The following STAU2 variants were observed in gnomAD, a reference collection of about 807,000 sequenced individuals.
STAU2 encodes the protein double-stranded RNA-binding protein Staufen homolog 2.
Under a neutral mutation model 65.9 loss-of-function variants are expected in STAU2, and 20 were observed. The ratio of observed to expected loss-of-function variants is 0.30; its 90% CI spans 0.21 to 0.44. The LOEUF (loss-of-function observed/expected upper bound fraction) is 0.44. Among genes scored for constraint, STAU2 ranks in the 20% least tolerant of loss-of-function variants. STAU2 has a pLI of 1.00. For synonymous variants in STAU2, 232 were observed against 233.9 expected, an observed-to-expected ratio of 0.99 and a Z score of 0.07; for missense variants, 558 against 683.9, an observed-to-expected ratio of 0.82 and a Z score of 2.05.
At chr8:73,713,905 C>A (rs115963834) in intron 3 of STAU2, among the ~76,000 whole-genome samples, 1,645 of 151,936 alleles carry the variant, frequency 0.011, 32 homozygotes, top group African/African-American at 0.038. Context: ...AACACGGTTT[C>A]TTTCCTTTTT....
intron 12 of STAU2, among the ~76,000 whole-genome samples, chr8:73,564,459 G>T (rs773202517): frequency 2.0e-4 from 31 of 152,074 alleles, no homozygotes; most frequent in Admixed American, 1.2e-3. Context: ...ACACATAGAG[G>T]GGAATAACAC....
chr8:73,467,455 C>T (rs1477663590), intron 13 of STAU2, among the ~76,000 whole-genome samples: 1 of 152,136 alleles, frequency 6.6e-6, no homozygotes, highest in Non-Finnish European at 1.5e-5. Context: ...TGGCGTGAAC[C>T]CGGGAGGAGG....
intron 4 of STAU2, among the ~76,000 whole-genome samples, chr8:73,704,849 A>C (rs900044821): frequency 2.0e-5 from 3 of 152,100 alleles, no homozygotes; most frequent in Non-Finnish European, 2.9e-5. Context: ...TTGTAGTTTT[A>C]GTAGAGACAG....
chr8:73,618,157 T>C (rs7004663), intron 6 of STAU2, among the ~76,000 whole-genome samples: 3 of 152,028 alleles, frequency 2.0e-5, no homozygotes, highest in Non-Finnish European at 2.9e-5. Context: ...CGTCTTCTAT[T>C]TGACAGGGGA....
chr8:73,746,531 A>C (rs1267978859), intron 1 of STAU2, among the ~76,000 whole-genome samples: 72 of 66,990 alleles, frequency 1.1e-3, no homozygotes, highest in South Asian at 1.8e-3. Context: ...CACCCCCTCC[A>C]CCACACACGC....
intron 13 of STAU2, among the ~76,000 whole-genome samples, chr8:73,446,204 T>C (rs567672685): frequency 9.3e-4 from 142 of 152,368 alleles, no homozygotes; most frequent in Non-Finnish European, 1.5e-3. Flanking sequence ...CATGTTATTA[T>C]GATTCCATTT....
rs183318518 is a variant in STAU2, at chr8:73,708,031, G to C, written c.114+1001C>G. 2.8e-4 allele frequency among the ~76,000 whole-genome samples: 42 copies of C among 152,334 alleles called. 1 individual carries two copies. In the East Asian group the frequency reaches 7.5e-3, roughly 27 times the overall value. ...TTCAACATGATTAAGGGCAGAATGA[G>C]TCAGAAAGAGAGTCAGGACATATAG... is the stretch of plus-strand genomic sequence containing the variant. On this transcript the variant is annotated intron_variant, in intron 4 of 14. Transcript: ENST00000524300.
At chr8:73,669,099 A>T (rs1817465259) in intron 6 of STAU2, 1 of 702,230 alleles carries the variant, frequency 1.4e-6, no homozygotes, top group Non-Finnish European at 2.6e-6. Context: ...TAATCCATTC[A>T]AGTGTTGCCA....
At position 73,746,802 on chromosome 8, in the gene STAU2, T is replaced by C. The variant is rs1807322657; in HGVS notation, c.-216A>G. ...ATTTACCTTCTTGCCGGGGACACTT[T>C]GCAGACGGCTCCAACATTGGCAAAC... is the stretch of plus-strand genomic sequence containing the variant. On this transcript the variant is annotated 5_prime_UTR_variant, in exon 1 of 15. Transcript: ENST00000524300. 4.9e-6 allele frequency: 6 copies of C among 1,230,722 alleles called. No individual in the cohort carries two copies. The highest frequency in any genetic ancestry group is 6.3e-5 in the East Asian group (2 of 31,518). 76.2% of individuals were successfully genotyped at this position (1,230,722 alleles called of 1,614,324 possible).
chr8:73,584,974 C>G (rs1366422457), intron 11 of STAU2, among the ~76,000 whole-genome samples: 1 of 152,068 alleles, frequency 6.6e-6, no homozygotes, highest in African/African-American at 2.4e-5. Flanking sequence ...TTATTCATAC[C>G]TCCAAAACAT....
chr8:73,636,282 T>C (rs1265618546), intron 6 of STAU2, among the ~76,000 whole-genome samples: 1 of 150,756 alleles, frequency 6.6e-6, no homozygotes, highest in Non-Finnish European at 1.5e-5. Flanking sequence ...GAGGCGGAGG[T>C]GGGGGGATCA....
At chr8:73,431,933 T>C (rs1192618550) in intron 13 of STAU2, among the ~76,000 whole-genome samples, 1 of 152,250 alleles carries the variant, frequency 6.6e-6, no homozygotes, top group Non-Finnish European at 1.5e-5. Flanking sequence ...TGAGAGATAA[T>C]GGCAGTCTTC....
At chr8:73,444,449 A>G (rs1818359386) in intron 13 of STAU2, among the ~76,000 whole-genome samples, 1 of 151,676 alleles carries the variant, frequency 6.6e-6, no homozygotes, top group Non-Finnish European at 1.5e-5. Flanking sequence ...AAGCCCTCAT[A>G]TTCCATTGAC....
At chr8:73,597,368 T>C (rs1440030161) in intron 10 of STAU2, among the ~76,000 whole-genome samples, 1 of 151,928 alleles carries the variant, frequency 6.6e-6, no homozygotes, top group East Asian at 1.9e-4. Context: ...TAAGGATTAC[T>C]GAGGCCGGGT....
chr8:73,587,496 A>G (rs2128965635), intron 11 of STAU2, among the ~76,000 whole-genome samples: 1 of 152,294 alleles, frequency 6.6e-6, no homozygotes, highest in South Asian at 2.1e-4. Flanking sequence ...CTGCAATACA[A>G]GAGGAGGATA....
chr8:73,458,883 C>G (rs1170292926), intron 13 of STAU2: 2 of 152,210 alleles, frequency 1.3e-5, no homozygotes, highest in Non-Finnish European at 2.9e-5. Flanking sequence ...CCATCCGATC[C>G]TAGTCAGGGT....
chr8:73,690,328 C>CAAAAAAAAAAAA (rs56744849), intron 4 of STAU2, among the ~76,000 whole-genome samples: 733 of 57,918 alleles, frequency 0.013, 21 homozygotes, highest in African/African-American at 0.029. Context: ...GACTCTGTCT[C>CAAAAAAAAAAAA]AAAAAAAAAA....
intron 6 of STAU2, among the ~76,000 whole-genome samples, chr8:73,658,221 A>G (rs1816532764): frequency 6.6e-6 from 1 of 151,956 alleles, no homozygotes; most frequent in Non-Finnish European, 1.5e-5. Flanking sequence ...TTAAAAAATT[A>G]GCCGGGCGTG....
chr8:73,654,661 A>AAAAAAAAAAAAT, intron 6 of STAU2, among the ~76,000 whole-genome samples: 1 of 137,258 alleles, frequency 7.3e-6, no homozygotes, highest in Non-Finnish European at 1.6e-5. Flanking sequence ...AAAAAAAAAA[A>AAAAAAAAAAAAT]GAACTCTTTT....
Sources: allele counts gnomAD v4.1 joint callset (sites outside exome capture counted in the v4.1 genomes callset), GRCh38; gene constraint gnomAD v4.1.1; transcripts MANE v1.5; gene names NCBI Gene and HGNC (gene_info 2026-07-23, HGNC 2026-07-21).